DNAH3: variants seen among roughly 807,000 people sequenced by gnomAD.
DNAH3 encodes the protein dynein axonemal heavy chain 3.
Under a neutral mutation model 432.5 loss-of-function variants are expected in DNAH3, and 332 were observed. The observed-to-expected ratio is 0.77, with a 90% CI of 0.70 to 0.84. The LOEUF is 0.84. Among genes scored for constraint, DNAH3 ranks in the 40% least tolerant of loss-of-function variants. DNAH3 has a pLI of 0.00. For synonymous variants in DNAH3, 1,956 were observed against 1,900.2 expected (o/e 1.03, Z -0.76); for missense variants, 4,861 against 5,114.0 (o/e 0.95, Z 1.51).
intron 14 of DNAH3, among the ~76,000 whole-genome samples, chr16:21,110,801 G>A (rs1055461471): frequency 1.3e-5 from 2 of 152,108 alleles, no homozygotes; most frequent in African/African-American, 4.8e-5. Context: ...AGCCTGGGAG[G>A]TCGAGGCTGC....
chr16:20,987,525 C>T, intron 46 of DNAH3, 77 bp from the exon 47 acceptor site: 1 of 1,581,706 alleles, frequency 6.3e-7, no homozygotes, highest in Non-Finnish European at 8.6e-7. Context: ...TAGGTAAGTC[C>T]TGGGGTTGAT....
chr16:20,974,581 T>TTTC (rs1555514740), intron 51 of DNAH3, among the ~76,000 whole-genome samples: 1 of 129,734 alleles, frequency 7.7e-6, no homozygotes, highest in South Asian at 2.8e-4. Context: ...TTTATAGTGT[T>TTTC]TTTTTTTTTT....
chr16:21,002,444 GTTATTATTATTATTA>G (rs67362610), intron 42 of DNAH3, among the ~76,000 whole-genome samples: 43 of 146,896 alleles, frequency 2.9e-4, no homozygotes, highest in Admixed American at 5.5e-4. Context: ...ATCTGGTGTT[GTTATTATTATTATTA>G]TTATTATTAT....
exon 55 of DNAH3, chr16:20,955,017 T>G (rs2084499026): frequency 6.2e-7 from 1 of 1,613,064 alleles, no homozygotes; most frequent in Non-Finnish European, 8.5e-7. Context: ...TGGAGAATGC[T>G]GACTGGAAAC....
chr16:21,108,973 A>C (rs922256349), intron 14 of DNAH3, among the ~76,000 whole-genome samples: 1 of 150,344 alleles, frequency 6.7e-6, no homozygotes, highest in African/African-American at 2.4e-5. Context: ...AATACAAAAC[A>C]TTAGCCGGGT....
chr16:21,016,666 AC>A (rs904183139), intron 41 of DNAH3, among the ~76,000 whole-genome samples: 1 of 152,200 alleles, frequency 6.6e-6, no homozygotes, highest in Admixed American at 6.5e-5. Context: ...GAGTATATAC[AC>A]CAGAAATAGC....
At chr16:21,156,101 C>G in intron 1 of DNAH3, among the ~76,000 whole-genome samples, 1 of 152,198 alleles carries the variant, frequency 6.6e-6, no homozygotes, top group African/African-American at 2.4e-5. Context: ...TGCAGGCTGC[C>G]AACTTCTCAT....
At chr16:21,144,716 G>A (rs12445950) in intron 3 of DNAH3, among the ~76,000 whole-genome samples, 22,800 of 152,144 alleles carry the variant, frequency 0.15, 2,166 homozygotes, top group East Asian at 0.28. Context: ...ATAAATGTTA[G>A]CCGTTTGCAA....
At chr16:21,104,356 G>A (rs1427482039) in intron 16 of DNAH3, 115 bp downstream of exon 16, 7 of 842,098 alleles carry the variant, frequency 8.3e-6, no homozygotes, top group East Asian at 2.5e-5. Context: ...TTCAGACTTC[G>A]CCCACACGTT....
At chr16:21,092,364 G>C (rs1299989887) in intron 18 of DNAH3, among the ~76,000 whole-genome samples, 1 of 151,960 alleles carries the variant, frequency 6.6e-6, no homozygotes, top group Non-Finnish European at 1.5e-5. Context: ...CAATATAATA[G>C]AGAAAAGATA....
At chr16:20,979,236 TG>T in intron 50 of DNAH3, 93 bp downstream of exon 50, 1 of 1,112,316 alleles carries the variant, frequency 9.0e-7, no homozygotes, top group Non-Finnish European at 1.3e-6. Context: ...CTGCTTGATC[TG>T]GTGTCCTCTT....
intron 38 of DNAH3, among the ~76,000 whole-genome samples, chr16:21,025,002 G>T (rs1009236288): frequency 1.2e-4 from 18 of 152,262 alleles, no homozygotes; most frequent in Non-Finnish European, 2.2e-4. Flanking sequence ...TTGGCTCACT[G>T]CAACCTCCGC....
chr16:20,984,364 T>C (rs558098401), intron 48 of DNAH3, among the ~76,000 whole-genome samples: 1 of 152,080 alleles, frequency 6.6e-6, no homozygotes, highest in South Asian at 2.1e-4. Context: ...GCTTAGCCAA[T>C]GTGAAGGTGA....
At chr16:20,985,069 T>G in intron 48 of DNAH3, 1 of 1,607,710 alleles carries the variant, frequency 6.2e-7, no homozygotes, top group Non-Finnish European at 8.5e-7. Context: ...GTGAAGGTTC[T>G]TTCTCACCCT....
chr16:21,070,068 A>G (rs1027978418), intron 22 of DNAH3, among the ~76,000 whole-genome samples: 1 of 152,172 alleles, frequency 6.6e-6, no homozygotes, highest in South Asian at 2.1e-4. Flanking sequence ...TCCTTAGCCT[A>G]TGTCACTGCT....
chr16:20,959,089 G>T, intron 54 of DNAH3, 90 bp downstream of exon 54: 1 of 1,354,890 alleles, frequency 7.4e-7, no homozygotes, highest in South Asian at 1.2e-5. Context: ...TTTCTAAGGG[G>T]CAGGACTGTG....
chr16:21,024,595 C>T lies in DNAH3; in HGVS notation c.5646+1G>A, dbSNP rs147699619. 2 of 1,605,366 alleles carry T rather than the reference C, an allele frequency of 1.2e-6. No homozygotes were observed. The highest frequency in any genetic ancestry group is 1.3e-5 in the African/African-American group (1 of 74,486). The stretch of plus-strand genomic sequence containing the variant: ...GGAAGGAAAGGGTCTGAGGGGCTCA[C>T]CAATTCTTTGTGCTCCTTGGTGAGA... On this transcript the variant is annotated splice_donor_variant, in intron 39 of 61. Transcript: ENST00000261383. LOFTEE classifies it high-confidence loss of function.
chr16:21,006,805 C>T (rs2087326662), intron 41 of DNAH3, among the ~76,000 whole-genome samples: 1 of 152,176 alleles, frequency 6.6e-6, no homozygotes, highest in South Asian at 2.1e-4. Context: ...TTGCCTCAGC[C>T]TCTCAAGTAG....
intron 44 of DNAH3, among the ~76,000 whole-genome samples, chr16:20,988,340 T>C (rs1183477401): frequency 3.3e-5 from 5 of 152,242 alleles, no homozygotes; most frequent in Admixed American, 1.3e-4. Context: ...AGTACAGATA[T>C]AGAGCATCTC....
Sources: allele counts gnomAD v4.1 joint callset (sites outside exome capture counted in the v4.1 genomes callset), GRCh38; gene constraint gnomAD v4.1.1; transcripts MANE v1.5; gene names NCBI Gene and HGNC (gene_info 2026-07-23, HGNC 2026-07-21).